The following EFHC2 variants were observed in gnomAD, a reference collection of about 807,000 sequenced individuals.
EFHC2 encodes the protein EF-hand domain-containing family member C2.
Under a neutral mutation model 52.7 loss-of-function variants are expected in EFHC2, and 18 were observed. The observed-to-expected ratio is 0.34, with a 90% CI of 0.24 to 0.51. The LOEUF is 0.51. Ranked by LOEUF, EFHC2 falls within the 20% of genes least tolerant of loss-of-function variation. EFHC2 has a pLI of 0.97. For synonymous variants in EFHC2, 203 were observed against 204.1 expected, an observed-to-expected ratio of 0.99 and a Z score of 0.04; for missense variants, 513 against 562.5, an observed-to-expected ratio of 0.91 and a Z score of 0.89.
At chrX:44,258,698 T>TA (rs1030019529) in intron 4 of EFHC2, among the ~76,000 whole-genome samples, 4 of 108,175 alleles carry the variant, frequency 3.7e-5, no homozygotes, top group Admixed American at 9.9e-5. Flanking sequence ...TAAAAATATT[T>TA]AAAAAAAAAT....
chrX:44,283,471 G>C (rs909429910), intron 2 of EFHC2, among the ~76,000 whole-genome samples: 4 of 111,192 alleles, frequency 3.6e-5, no homozygotes, highest in Non-Finnish European at 5.7e-5. Flanking sequence ...CGTAAGCCAC[G>C]GCGCACGGCC....
At chrX:44,278,373 G>A (rs1313449177) in intron 2 of EFHC2, among the ~76,000 whole-genome samples, 4 of 111,862 alleles carry the variant, frequency 3.6e-5, no homozygotes, top group East Asian at 5.6e-4. Context: ...GTGACATTCC[G>A]TGAAAAACAA....
At chrX:44,243,004 C>A (rs2037371957) in intron 7 of EFHC2, among the ~76,000 whole-genome samples, 1 of 112,174 alleles carries the variant, frequency 8.9e-6, no homozygotes, top group Admixed American at 9.5e-5. Flanking sequence ...TGCCTACTCT[C>A]TCCAAGGGAG....
At chrX:44,295,046 T>C (rs148580522) in intron 2 of EFHC2, among the ~76,000 whole-genome samples, 95 of 111,567 alleles carry the variant, frequency 8.5e-4, no homozygotes, top group Middle Eastern at 4.6e-3. Flanking sequence ...ATTCAAGATT[T>C]GGGAGGTTAA....
chrX:44,151,857 G>A (rs1019991406), intron 14 of EFHC2, among the ~76,000 whole-genome samples: 2 of 111,581 alleles, frequency 1.8e-5, no homozygotes, highest in African/African-American at 6.5e-5. Context: ...TCTTTCAGGT[G>A]TCCATGGGAC....
In EFHC2 at chrX:44,148,723, A is replaced by G. The variant is rs1002815723; in HGVS notation, c.*72T>C. The G allele has an allele frequency of 1.6e-5, 14 of 877,976 alleles. No homozygotes were observed. In the African/African-American group the frequency reaches 2.7e-4, roughly 17 times the overall value. 72.4% of individuals were successfully genotyped at this position (877,976 alleles called of 1,213,427 possible). ...TTGTTTCTTTTTTGTTTTTAATGAA[A>G]TTATATCTACTAAAGTAAATGTGGC... On this transcript the variant is annotated 3_prime_UTR_variant, in exon 15 of 15. Transcript: ENST00000420999.
At chrX:44,327,695 A>G (rs1252794534) in intron 1 of EFHC2, among the ~76,000 whole-genome samples, 3 of 111,935 alleles carry the variant, frequency 2.7e-5, no homozygotes, top group African/African-American at 9.7e-5. Flanking sequence ...TGCCTCAGGT[A>G]TAGTGGGATC....
chrX:44,170,867 G>T (rs2036740092), intron 13 of EFHC2, among the ~76,000 whole-genome samples: 1 of 112,097 alleles, frequency 8.9e-6, no homozygotes, highest in South Asian at 3.7e-4. Flanking sequence ...AACTTTCTAT[G>T]GCCACATTGT....
intron 2 of EFHC2, among the ~76,000 whole-genome samples, chrX:44,289,923 CG>C (rs2037781231): frequency 9.0e-6 from 1 of 111,117 alleles, no homozygotes; most frequent in Admixed American, 9.5e-5. Context: ...CCTCGTGATC[CG>C]CCCGCCTCGG....
chrX:44,260,205 T>G (rs758489166), intron 4 of EFHC2, among the ~76,000 whole-genome samples: 2 of 111,306 alleles, frequency 1.8e-5, no homozygotes, highest in Non-Finnish European at 3.8e-5. Context: ...GGGTAGGTTA[T>G]AGGGGTACGT....
chrX:44,226,557 G>A (rs761196349), intron 11 of EFHC2, among the ~76,000 whole-genome samples: 10 of 111,335 alleles, frequency 9.0e-5, no homozygotes, highest in Non-Finnish European at 1.7e-4. Context: ...AGACATGCGA[G>A]GGGGAAACGT....
chrX:44,171,776 T>A (rs2036747670), intron 13 of EFHC2, among the ~76,000 whole-genome samples: 1 of 111,471 alleles, frequency 9.0e-6, no homozygotes, highest in African/African-American at 3.3e-5. Flanking sequence ...AGAAATCCCC[T>A]TATATTTGAA....
At chrX:44,343,474 G>A (rs927034509) in intron 1 of EFHC2, 73 bp downstream of exon 1, 5 of 1,144,079 alleles carry the variant, frequency 4.4e-6, no homozygotes, top group African/African-American at 3.6e-5. Flanking sequence ...CTGCGGAGGT[G>A]GCCACGCCAC....
At chrX:44,197,651 C>T (rs999708833) in intron 11 of EFHC2, among the ~76,000 whole-genome samples, 1 of 112,056 alleles carries the variant, frequency 8.9e-6, no homozygotes, top group Non-Finnish European at 1.9e-5. Flanking sequence ...GGACCCAATA[C>T]AGAGCACATG....
intron 11 of EFHC2, among the ~76,000 whole-genome samples, chrX:44,194,076 C>T (rs934366985): frequency 1.8e-5 from 2 of 111,635 alleles, no homozygotes; most frequent in African/African-American, 6.5e-5. Flanking sequence ...CCAGGGTAGA[C>T]TTTTGGGCTT....
In EFHC2 at chrX:44,178,375, A is replaced by T. The variant is rs764227167; in HGVS notation, c.1941T>A (p.Asp647Glu). 4 of 1,179,077 alleles carry T rather than the reference A, an allele frequency of 3.4e-6. No individual in the cohort carries two copies. In the East Asian group the frequency reaches 1.2e-4, roughly 35 times the overall value. ...DTFIYSCVYE[D>E]REKKNVLPTK... ...ATAAAACAAAAGCTTACTTTTCTCGATCTTCATACACACAGGAATAAATGA... is the reference window on the plus strand; with the variant it reads ...ATAAAACAAAAGCTTACTTTTCTCGTTCTTCATACACACAGGAATAAATGA... The change falls in exon 12 of 15, where the codon GAT becomes GAA. Residue 647 changes from aspartate to glutamate, a missense_variant. Coordinates refer to ENST00000420999, the MANE Select transcript of EFHC2 (RefSeq NM_025184.4).
At chrX:44,299,158 A>C (rs1389355596) in intron 2 of EFHC2, among the ~76,000 whole-genome samples, 1 of 111,126 alleles carries the variant, frequency 9.0e-6, no homozygotes, top group Non-Finnish European at 1.9e-5. Context: ...TGTAAACCAA[A>C]AATAAAATTC....
At chrX:44,196,739 G>A (rs946787727) in intron 11 of EFHC2, among the ~76,000 whole-genome samples, 2 of 112,191 alleles carry the variant, frequency 1.8e-5, no homozygotes, top group Non-Finnish European at 3.8e-5. Flanking sequence ...GTGGCCAGTG[G>A]TAAGAAGAAA....
At chrX:44,236,626 C>T (rs999381185) in intron 8 of EFHC2, among the ~76,000 whole-genome samples, 1 of 112,206 alleles carries the variant, frequency 8.9e-6, no homozygotes, top group African/African-American at 3.2e-5. Flanking sequence ...AAGGATAGCA[C>T]CAAGATTCCT....
Sources: allele counts gnomAD v4.1 joint callset (sites outside exome capture counted in the v4.1 genomes callset), GRCh38; gene constraint gnomAD v4.1.1; transcripts MANE v1.5; gene names NCBI Gene and HGNC (gene_info 2026-07-23, HGNC 2026-07-21).